Variants in MGAT4C observed in about 807,000 individuals in gnomAD.
The protein encoded by MGAT4C is MGAT4 family member C.
A neutral mutation model predicts 40.1 loss-of-function variants in MGAT4C; 19 were observed. That is an observed-to-expected ratio of 0.47 (90% CI 0.33 to 0.70). The LOEUF (loss-of-function observed/expected upper bound fraction) is 0.70. Ranked by LOEUF, MGAT4C falls within the 30% of genes least tolerant of loss-of-function variation. The probability of loss-of-function intolerance (pLI) is 0.02; values close to 1 mark genes in which losing one functional copy is unlikely to be tolerated. For synonymous variants in MGAT4C, 181 were observed against 187.1 expected, an observed-to-expected ratio of 0.97 and a Z score of 0.27; for missense variants, 491 against 563.2, an observed-to-expected ratio of 0.87 and a Z score of 1.30.
At chr12:86,397,652 G>A (rs569901804) in intron 3 of MGAT4C, among the ~76,000 whole-genome samples, 1 of 151,912 alleles carries the variant, frequency 6.6e-6, no homozygotes, top group African/African-American at 2.4e-5. Context: ...ATATAATTTG[G>A]TTTTTATTAG....
At chr12:86,580,398 C>G (rs532284223) in intron 2 of MGAT4C, among the ~76,000 whole-genome samples, 1 of 151,402 alleles carries the variant, frequency 6.6e-6, no homozygotes, top group Admixed American at 6.6e-5. Context: ...TATATCTATC[C>G]CTAAGGTATA....
intron 2 of MGAT4C, among the ~76,000 whole-genome samples, chr12:86,528,478 GC>G (rs1958922770): frequency 6.6e-6 from 1 of 151,804 alleles, no homozygotes; most frequent in African/African-American, 2.4e-5. Context: ...ATGTACTTAG[GC>G]CAAATAAAAA....
intron 2 of MGAT4C, among the ~76,000 whole-genome samples, chr12:86,032,608 GTTGT>G (rs761044825): frequency 1.3e-5 from 2 of 149,534 alleles, no homozygotes; most frequent in Admixed American, 6.7e-5. Context: ...ACATAATGGG[GTTGT>G]TTGTTTTTTG....
At chr12:86,322,936 T>A (rs1954431997) in intron 4 of MGAT4C, among the ~76,000 whole-genome samples, 1 of 152,070 alleles carries the variant, frequency 6.6e-6, no homozygotes, top group Admixed American at 6.5e-5. Context: ...GAGTTAATTT[T>A]ATATTTTATT....
chr12:86,195,580 C>T (rs1315289473), intron 1 of MGAT4C, among the ~76,000 whole-genome samples: 2 of 152,108 alleles, frequency 1.3e-5, no homozygotes, highest in East Asian at 1.9e-4. Context: ...GTTCTATCCC[C>T]TGAAAAGACA....
At chr12:86,771,686 ATG>A (rs59917182) in intron 1 of MGAT4C, among the ~76,000 whole-genome samples, 15,070 of 146,652 alleles carry the variant, frequency 0.1, 871 homozygotes, top group East Asian at 0.28. Flanking sequence ...ATAAATATAT[ATG>A]TGTGTGTGTG....
intron 1 of MGAT4C, among the ~76,000 whole-genome samples, chr12:86,734,491 A>G (rs1208033846): frequency 1.3e-5 from 2 of 152,156 alleles, no homozygotes; most frequent in Non-Finnish European, 1.5e-5. Flanking sequence ...TCATATATAC[A>G]AATCCTCAGC....
chr12:86,656,664 A>G (rs1026138929), intron 2 of MGAT4C, among the ~76,000 whole-genome samples: 5 of 152,060 alleles, frequency 3.3e-5, no homozygotes, highest in African/African-American at 9.7e-5. Flanking sequence ...GAGTACACTG[A>G]GTGTGAAAAA....
chr12:86,560,296 T>A (rs1179468696), intron 2 of MGAT4C, among the ~76,000 whole-genome samples: 1 of 151,936 alleles, frequency 6.6e-6, no homozygotes. Context: ...GAGGCTGGCA[T>A]TACCATGATA....
intron 2 of MGAT4C, among the ~76,000 whole-genome samples, chr12:86,445,124 T>C (rs1403235973): frequency 6.6e-6 from 1 of 152,160 alleles, no homozygotes; most frequent in African/African-American, 2.4e-5. Context: ...ATGGTTTCAG[T>C]AGTATATACA....
intron 4 of MGAT4C, among the ~76,000 whole-genome samples, chr12:86,316,079 CAAAAAAAAA>C (rs71076185): frequency 8.8e-4 from 30 of 34,060 alleles, no homozygotes; most frequent in African/African-American, 3.3e-3. Context: ...ATACAAGCAG[CAAAAAAAAA>C]AAAAAAAAAA....
chr12:86,401,260 ATGTGTG>A (rs10548304), intron 3 of MGAT4C, among the ~76,000 whole-genome samples: 8 of 147,974 alleles, frequency 5.4e-5, no homozygotes, highest in African/African-American at 7.4e-5. Context: ...ACATATATAT[ATGTGTG>A]TGTGTGTGTG....
chr12:86,773,861 TACTTA>T (rs1429566545), intron 1 of MGAT4C, among the ~76,000 whole-genome samples: 1 of 151,356 alleles, frequency 6.6e-6, no homozygotes, highest in Non-Finnish European at 1.5e-5. Context: ...TTATGTAAAA[TACTTA>T]AGTATAGATT....
At chr12:86,747,601 ATCTTTT>A (rs1565962521) in intron 1 of MGAT4C, among the ~76,000 whole-genome samples, 1 of 151,596 alleles carries the variant, frequency 6.6e-6, no homozygotes, top group African/African-American at 2.4e-5. Flanking sequence ...TAGGGCAATG[ATCTTTT>A]TCTTTTTCAG....
chr12:86,504,936 C>G (rs182648280), intron 2 of MGAT4C, among the ~76,000 whole-genome samples: 1 of 152,034 alleles, frequency 6.6e-6, no homozygotes, highest in Non-Finnish European at 1.5e-5. Context: ...CATGAGACAC[C>G]GGCGCCCAGC....
chr12:86,377,576 T>A (rs1197247666), intron 3 of MGAT4C, among the ~76,000 whole-genome samples: 4 of 152,202 alleles, frequency 2.6e-5, no homozygotes, highest in Non-Finnish European at 5.9e-5. Flanking sequence ...TAACGATGTT[T>A]TAATTTTAAC....
chr12:86,415,050 C>T (rs1417816893), intron 3 of MGAT4C, among the ~76,000 whole-genome samples: 1 of 151,904 alleles, frequency 6.6e-6, no homozygotes, highest in Non-Finnish European at 1.5e-5. Flanking sequence ...TTAAACTTTC[C>T]ACCCCTATTC....
chr12:86,788,150 T>C (rs561692042), intron 1 of MGAT4C, among the ~76,000 whole-genome samples: 81 of 151,328 alleles, frequency 5.4e-4, no homozygotes, highest in African/African-American at 1.9e-3. Flanking sequence ...CACCCACATA[T>C]ACATATACAC....
chr12:86,551,661 G>A (rs1318273153), intron 2 of MGAT4C, among the ~76,000 whole-genome samples: 1 of 152,132 alleles, frequency 6.6e-6, no homozygotes. Flanking sequence ...ACAGCCTTAT[G>A]GCTCTAACCC....
Sources: allele counts gnomAD v4.1 joint callset (sites outside exome capture counted in the v4.1 genomes callset), GRCh38; gene constraint gnomAD v4.1.1; transcripts MANE v1.5; gene names NCBI Gene and HGNC (gene_info 2026-07-23, HGNC 2026-07-21).